The following FBN2 variants were observed in gnomAD, a reference collection of about 807,000 sequenced individuals.
FBN2 encodes fibrillin 2.
Under a neutral mutation model 355.6 loss-of-function variants are expected in FBN2, and 105 were observed. The observed-to-expected ratio is 0.30, with a 90% CI of 0.25 to 0.35. The LOEUF is 0.35. Among genes scored for constraint, FBN2 ranks in the 10% least tolerant of loss-of-function variants. The pLI, the probability that FBN2 is intolerant of heterozygous loss-of-function variation, is 1.00. For missense variants in FBN2, 3,280 were observed against 3,758.7 expected, an observed-to-expected ratio of 0.87 and a Z score of 3.33; for synonymous variants, 1,350 against 1,301.2, an observed-to-expected ratio of 1.04 and a Z score of -0.81.
At chr5:128,419,529 G>C (rs1397823131) in intron 7 of FBN2, among the ~76,000 whole-genome samples, 1 of 151,716 alleles carries the variant, frequency 6.6e-6, no homozygotes, top group East Asian at 1.9e-4. Context: ...ATTATTTTTA[G>C]AATACAAGGG....
At chr5:128,278,144 A>G in intron 57 of FBN2, 139 bp from the exon 58 acceptor site, 1 of 834,608 alleles carries the variant, frequency 1.2e-6, no homozygotes, top group Non-Finnish European at 2.0e-6. Context: ...GCACCTGTTC[A>G]TCATTCAGGT....
At chr5:128,325,017 T>A (rs1750506134) in intron 34 of FBN2, among the ~76,000 whole-genome samples, 1 of 152,192 alleles carries the variant, frequency 6.6e-6, no homozygotes, top group Non-Finnish European at 1.5e-5. Flanking sequence ...CTGAGGAGTG[T>A]TTTACTTTCA....
chr5:128,394,555 G>A (rs1055250852), intron 9 of FBN2, among the ~76,000 whole-genome samples: 3 of 152,144 alleles, frequency 2.0e-5, no homozygotes, highest in Non-Finnish European at 4.4e-5. Flanking sequence ...GAAAGATCAG[G>A]AGGTTTAAAA....
intron 20 of FBN2, 50 bp from the exon 21 acceptor site, chr5:128,351,055 G>T (rs1449919567): frequency 6.2e-7 from 1 of 1,606,650 alleles, no homozygotes; most frequent in East Asian, 2.2e-5. Flanking sequence ...GAAGAAAATA[G>T]AATTCAGCTG....
intron 7 of FBN2, among the ~76,000 whole-genome samples, chr5:128,423,443 C>T (rs1753404995): frequency 6.6e-6 from 1 of 152,108 alleles, no homozygotes; most frequent in Non-Finnish European, 1.5e-5. Context: ...CTTTATCAAA[C>T]CATCAGATCT....
chr5:128,284,611 G>A (rs1005021573), intron 55 of FBN2, among the ~76,000 whole-genome samples: 3 of 152,236 alleles, frequency 2.0e-5, no homozygotes, highest in East Asian at 1.9e-4. Flanking sequence ...CATGTTTGTT[G>A]TATGAACATC....
At chr5:128,362,563 C>T (rs971321215) in intron 18 of FBN2, among the ~76,000 whole-genome samples, 2 of 152,206 alleles carry the variant, frequency 1.3e-5, no homozygotes, top group African/African-American at 2.4e-5. Context: ...TTGGCTCAAG[C>T]AATCCTCCTG....
At chr5:128,454,624 T>C (rs1754336840) in intron 6 of FBN2, among the ~76,000 whole-genome samples, 1 of 152,218 alleles carries the variant, frequency 6.6e-6, no homozygotes, top group African/African-American at 2.4e-5. Context: ...TCTGCCTGAT[T>C]TCAGCTGAGA....
At chr5:128,523,810 A>G (rs1756497679) in intron 4 of FBN2, among the ~76,000 whole-genome samples, 1 of 151,960 alleles carries the variant, frequency 6.6e-6, no homozygotes, top group African/African-American at 2.4e-5. Context: ...CTGGTCCATC[A>G]GAGTATACCT....
At chr5:128,295,604 A>C (rs1461041325) in intron 48 of FBN2, among the ~76,000 whole-genome samples, 182 of 127,002 alleles carry the variant, frequency 1.4e-3, no homozygotes, top group African/African-American at 5.5e-3. Flanking sequence ...AGCAATTGTG[A>C]ATGGGAGTTC....
In FBN2 at chr5:128,479,944, C is replaced by A. The variant is rs1261486196; in HGVS notation, c.629-15023G>T. Among the ~76,000 whole-genome samples, 8 of 35,792 alleles carry A rather than the reference C, an allele frequency of 2.2e-4. 1 individual carries two copies. The highest frequency in any genetic ancestry group is 6.4e-4 in the African/African-American group (8 of 12,446). 23.5% of individuals were successfully genotyped at this position (35,792 alleles called of 152,430 possible). A position where few individuals can be genotyped will look rare whatever the true frequency, so the allele number is the denominator to read the frequency against. ...CTTGTCTCCTTGTCTCTCTCTCTCT[C>A]TCTCTCTCTCTCTCTCTCTCTCTCT... is the stretch of plus-strand genomic sequence containing the variant. On this transcript the variant is annotated intron_variant, in intron 5 of 64. Transcript: ENST00000262464.
intron 16 of FBN2, among the ~76,000 whole-genome samples, chr5:128,367,147 A>G (rs767899510): frequency 6.6e-6 from 1 of 152,198 alleles, no homozygotes; most frequent in Non-Finnish European, 1.5e-5. Flanking sequence ...TTATATCACT[A>G]GGATAGTCTC....
intron 5 of FBN2, among the ~76,000 whole-genome samples, chr5:128,484,888 A>G (rs527337565): frequency 6.6e-6 from 1 of 152,310 alleles, no homozygotes; most frequent in Admixed American, 6.5e-5. Flanking sequence ...TTCAGTGACA[A>G]TACGATCACA....
chr5:128,364,529 T>C, intron 18 of FBN2, 71 bp downstream of exon 18: 1 of 1,479,998 alleles, frequency 6.8e-7, no homozygotes, highest in Non-Finnish European at 9.3e-7. Flanking sequence ...CATTTGTGTT[T>C]TTAATTCTAA....
At chr5:128,335,724 C>G in intron 28 of FBN2, 147 bp from the exon 29 acceptor site, 1 of 1,073,732 alleles carries the variant, frequency 9.3e-7, no homozygotes, top group African/African-American at 1.6e-5. Flanking sequence ...AGTTCTTTCA[C>G]CTTCATTTTA....
chr5:128,461,347 G>A (rs1370219456), intron 6 of FBN2, among the ~76,000 whole-genome samples: 1 of 152,028 alleles, frequency 6.6e-6, no homozygotes, highest in Non-Finnish European at 1.5e-5. Context: ...AAAAAGTCAG[G>A]AAACGAGATG....
Position 128,338,050 on chromosome 5 carries a change from T to C in FBN2, c.3545A>G (p.Gln1182Arg). The change falls in exon 27 of 65, where the codon CAG becomes CGG. Residue 1182 changes from glutamine (Q) to arginine (R), a missense_variant. Gln to Arg is a conservative substitution (Grantham distance 43). Transcript: ENST00000262464. Reference sequence around the variant, plus strand: ...CTCGTGTCCCAGTGGGCAGTCACACTGAAAGCTGCCCTCAGTGTTCACACA... The same window carrying C: ...CTCGTGTCCCAGTGGGCAGTCACACCGAAAGCTGCCCTCAGTGTTCACACA... The part of the protein sequence containing the change: ...GTCVNTEGSF[Q>R]CDCPLGHELS... 1 of 1,614,006 alleles carries C rather than the reference T, an allele frequency of 6.2e-7. No individual in the cohort carries two copies. Among genetic ancestry groups the C allele is most frequent in the Non-Finnish European group, 8.5e-7 (1 of 1,179,866 alleles).
At chr5:128,447,363 C>T (rs139740581) in intron 6 of FBN2, among the ~76,000 whole-genome samples, 41 of 152,206 alleles carry the variant, frequency 2.7e-4, no homozygotes, top group African/African-American at 7.2e-4. Flanking sequence ...AAAGAGAATG[C>T]GTTCCTAGGG....
intron 15 of FBN2, among the ~76,000 whole-genome samples, chr5:128,372,744 G>A (rs1156881349): frequency 2.6e-5 from 4 of 152,142 alleles, no homozygotes; most frequent in African/African-American, 4.8e-5. Context: ...TGCCCTACTC[G>A]GAATCCCAAA....
Sources: gnomAD v4.1 joint callset for allele counts (sites outside exome capture counted in the v4.1 genomes callset) on GRCh38, gnomAD v4.1.1 for gene constraint, MANE v1.5 for transcripts, NCBI Gene and HGNC (gene_info 2026-07-23, HGNC 2026-07-21) for gene names.